Variants in EXOC6B observed in about 807,000 individuals in gnomAD.
EXOC6B encodes SEC15 homolog B.
Under a neutral mutation model 113.5 loss-of-function variants are expected in EXOC6B, and 54 were observed. The ratio of observed to expected loss-of-function variants is 0.48; its 90% confidence interval spans 0.38 to 0.60. The LOEUF is 0.60. Ranked by LOEUF, EXOC6B falls within the 20% of genes least tolerant of loss-of-function variation. The pLI, the probability that EXOC6B is intolerant of heterozygous loss-of-function variation, is 0.00. For missense variants in EXOC6B, 797 were observed against 977.5 expected (o/e 0.82, Z 2.46); for synonymous variants, 357 against 339.0 (o/e 1.05, Z -0.58).
chr2:72,661,542 T>A (rs556492257), intron 6 of EXOC6B, among the ~76,000 whole-genome samples: 1 of 152,162 alleles, frequency 6.6e-6, no homozygotes, highest in East Asian at 1.9e-4. Context: ...TATGAAATAA[T>A]TGATATGAAT....
chr2:72,352,730 CA>C (rs1156507773), intron 19 of EXOC6B, among the ~76,000 whole-genome samples: 5 of 126,434 alleles, frequency 4.0e-5, no homozygotes, highest in Non-Finnish European at 6.2e-5. Context: ...GGACTGTAAT[CA>C]TTTTTTTTTT....
At chr2:72,739,987 C>G (rs966608959) in intron 2 of EXOC6B, among the ~76,000 whole-genome samples, 1 of 152,070 alleles carries the variant, frequency 6.6e-6, no homozygotes, top group African/African-American at 2.4e-5. Context: ...TACCCCCACC[C>G]AATGGGGACT....
At chr2:72,680,154 T>C (rs1327018171) in intron 6 of EXOC6B, among the ~76,000 whole-genome samples, 1 of 152,140 alleles carries the variant, frequency 6.6e-6, no homozygotes, top group Non-Finnish European at 1.5e-5. Flanking sequence ...ATAAAGTGTA[T>C]ATGGACTTGT....
chr2:72,514,554 T>G (rs1256279409), intron 10 of EXOC6B, 80 bp downstream of exon 10: 1 of 233,974 alleles, frequency 4.3e-6, no homozygotes, highest in Non-Finnish European at 8.2e-6. Flanking sequence ...CACAACTCTA[T>G]GTATGGAAAG....
At chr2:72,556,468 C>T (rs1445673743) in intron 8 of EXOC6B, among the ~76,000 whole-genome samples, 2 of 152,150 alleles carry the variant, frequency 1.3e-5, no homozygotes, top group Non-Finnish European at 2.9e-5. Context: ...CAAAAGACTA[C>T]GTTGACATGG....
intron 1 of EXOC6B, among the ~76,000 whole-genome samples, chr2:72,820,670 A>G (rs1170845750): frequency 6.6e-6 from 1 of 152,152 alleles, no homozygotes; most frequent in Non-Finnish European, 1.5e-5. Flanking sequence ...TTCTGCCACA[A>G]ATAAGGAACA....
At chr2:72,482,111 C>T (rs1401294450) in intron 16 of EXOC6B, among the ~76,000 whole-genome samples, 1 of 152,142 alleles carries the variant, frequency 6.6e-6, no homozygotes, top group Non-Finnish European at 1.5e-5. Flanking sequence ...CTGCCAGTGC[C>T]TTTTAGCATA....
rs1284786349 is a variant in EXOC6B at position 72,176,270 on chromosome 2, AAAC to A, written c.*3062_*3064del. On this transcript the variant is annotated 3_prime_UTR_variant, in exon 22 of 22. Coordinates refer to ENST00000272427, the MANE Select transcript of EXOC6B (RefSeq NM_015189.3). Reference sequence around the variant, plus strand: ...TTGTGAATGCAGGCAAAAAAAAAAAAAACAAAAAGGAAGAAGAAGAAGAAGAAG... The same window carrying A: ...TTGTGAATGCAGGCAAAAAAAAAAAAAAAAAGGAAGAAGAAGAAGAAGAAG... The A allele has an allele frequency of 1.3e-5, 2 of 149,472 alleles. No homozygotes were observed. Among genetic ancestry groups the A allele is most frequent in the African/African-American group, 4.9e-5 (2 of 40,790 alleles). The allele number at this position is 149,472 out of a possible 1,614,324, so 9.3% of individuals were successfully genotyped here. A position where few individuals can be genotyped will look rare whatever the true frequency, so the allele number is the denominator to read the frequency against.
At chr2:72,354,473 G>A (rs1008252052) in intron 19 of EXOC6B, among the ~76,000 whole-genome samples, 10 of 152,190 alleles carry the variant, frequency 6.6e-5, no homozygotes, top group Non-Finnish European at 1.2e-4. Flanking sequence ...TCTTGACAAG[G>A]ATGGCATCTT....
intron 19 of EXOC6B, among the ~76,000 whole-genome samples, chr2:72,372,210 G>A (rs892275202): frequency 1.3e-5 from 2 of 152,104 alleles, no homozygotes; most frequent in Admixed American, 6.5e-5. Context: ...GTCATGGATT[G>A]GAAGACACAA....
intron 6 of EXOC6B, among the ~76,000 whole-genome samples, chr2:72,634,504 T>G (rs1477905939): frequency 6.6e-6 from 1 of 152,132 alleles, no homozygotes; most frequent in Non-Finnish European, 1.5e-5. Context: ...GTGGGGAGCT[T>G]GGATTTTACA....
chr2:72,551,583 C>A (rs1418694248), intron 8 of EXOC6B, among the ~76,000 whole-genome samples: 2 of 151,628 alleles, frequency 1.3e-5, no homozygotes, highest in African/African-American at 4.9e-5. Flanking sequence ...CGGCTCACTG[C>A]AAGCTCCGCC....
chr2:72,531,564 G>C (rs1307490605), intron 8 of EXOC6B, among the ~76,000 whole-genome samples: 1 of 152,134 alleles, frequency 6.6e-6, no homozygotes, highest in Non-Finnish European at 1.5e-5. Flanking sequence ...AAGTTTCAAA[G>C]TGTTAAAATA....
intron 9 of EXOC6B, 136 bp downstream of exon 9, chr2:72,514,907 A>T: frequency 2.5e-6 from 2 of 805,160 alleles, no homozygotes; most frequent in Middle Eastern, 2.5e-4. Context: ...ACTGCAAGTC[A>T]CATCCACCAA....
chr2:72,804,696 A>T (rs1239955652), intron 1 of EXOC6B, among the ~76,000 whole-genome samples: 1 of 152,048 alleles, frequency 6.6e-6, no homozygotes, highest in East Asian at 1.9e-4. Flanking sequence ...CCTGGATTCA[A>T]GCAATTTTCC....
intron 20 of EXOC6B, among the ~76,000 whole-genome samples, chr2:72,191,939 G>A (rs146886982): frequency 1.3e-5 from 2 of 152,284 alleles, no homozygotes; most frequent in Non-Finnish European, 2.9e-5. Flanking sequence ...GGGTACTTAA[G>A]TTTTCTTTGG....
chr2:72,379,009 G>A (rs892215294), intron 19 of EXOC6B, among the ~76,000 whole-genome samples: 2 of 152,120 alleles, frequency 1.3e-5, no homozygotes, highest in South Asian at 2.1e-4. Flanking sequence ...GAGACATACA[G>A]GAAAGTTTGT....
chr2:72,343,217 G>C (rs918386929), intron 19 of EXOC6B, among the ~76,000 whole-genome samples: 6 of 152,130 alleles, frequency 3.9e-5, no homozygotes, highest in Non-Finnish European at 7.4e-5. Flanking sequence ...CTTGAGGCCA[G>C]GAGTTCAAGA....
chr2:72,639,682 A>C (rs1441010019), intron 6 of EXOC6B, among the ~76,000 whole-genome samples: 3 of 152,234 alleles, frequency 2.0e-5, no homozygotes, highest in Non-Finnish European at 4.4e-5. Flanking sequence ...AACCTTGAGA[A>C]GCCAGAGAAA....
Sources: allele counts gnomAD v4.1 joint callset (sites outside exome capture counted in the v4.1 genomes callset), GRCh38; gene constraint gnomAD v4.1.1; transcripts MANE v1.5; gene names NCBI Gene and HGNC (gene_info 2026-07-23, HGNC 2026-07-21).